Variants in TAFA4 observed in about 807,000 individuals in gnomAD.
TAFA4 encodes TAFA chemokine like family member 4.
In TAFA4, 20 loss-of-function variants were observed where a neutral mutation model predicts 21.1. The ratio of observed to expected loss-of-function variants is 0.95; its 90% CI spans 0.67 to 1.38. The LOEUF (loss-of-function observed/expected upper bound fraction) is 1.38. Among genes scored for constraint, TAFA4 ranks in the 40% most tolerant of loss-of-function variants. The pLI, the probability that TAFA4 is intolerant of heterozygous loss-of-function variation, is 0.00. For synonymous variants in TAFA4, 71 were observed against 67.4 expected, an observed-to-expected ratio of 1.05 and a Z score of -0.26; for missense variants, 211 against 180.9, an observed-to-expected ratio of 1.17 and a Z score of -0.95.
intron 4 of TAFA4, among the ~76,000 whole-genome samples, chr3:68,743,614 C>T (rs1401309148): frequency 6.6e-6 from 1 of 151,280 alleles, no homozygotes; most frequent in Non-Finnish European, 1.5e-5. Flanking sequence ...ATATTCTTTG[C>T]AGCCTCAAAT....
At chr3:68,822,010 T>C (rs1271846450) in intron 3 of TAFA4, among the ~76,000 whole-genome samples, 3 of 152,184 alleles carry the variant, frequency 2.0e-5, no homozygotes, top group South Asian at 2.1e-4. Context: ...TTGAGCCTCA[T>C]GTTAACAAAA....
intron 3 of TAFA4, among the ~76,000 whole-genome samples, chr3:68,765,121 A>G (rs2106773063): frequency 6.6e-6 from 1 of 152,296 alleles, no homozygotes; most frequent in South Asian, 2.1e-4. Context: ...ATAAAAATAA[A>G]CAAAAGGACT....
At chr3:68,771,697 TA>T (rs200980716) in intron 3 of TAFA4, among the ~76,000 whole-genome samples, 2,906 of 152,336 alleles carry the variant, frequency 0.019, 50 homozygotes, top group South Asian at 0.059. Flanking sequence ...GATGTCAACT[TA>T]AAATGTGCAA....
chr3:68,911,123 C>A (rs567495261), intron 1 of TAFA4, among the ~76,000 whole-genome samples: 1 of 152,322 alleles, frequency 6.6e-6, no homozygotes, highest in African/African-American at 2.4e-5. Context: ...TCAAACAGCT[C>A]GCTGCTGAAA....
rs140104324 is a variant in TAFA4, at chr3:68,736,061, T to G, written c.412-2908A>C. On this transcript the variant is annotated intron_variant, in intron 5 of 5. Transcript: ENST00000295569. ...ATAGCTTTTCACCCTTAGTAGAGGA[T>G]TCAAAAATAAGAACATTAAAAAGTC... Among the ~76,000 whole-genome samples, 13 of 152,162 alleles carry G rather than the reference T, an allele frequency of 8.5e-5. No homozygotes were observed. In the East Asian group the frequency reaches 2.5e-3, roughly 29 times the overall value.
At chr3:68,812,833 C>T (rs1226492629) in intron 3 of TAFA4, among the ~76,000 whole-genome samples, 4 of 152,190 alleles carry the variant, frequency 2.6e-5, no homozygotes, top group East Asian at 1.9e-4. Flanking sequence ...ACCTAATAGA[C>T]GTCTACAGAA....
chr3:68,849,820 A>G (rs144594738), intron 3 of TAFA4, among the ~76,000 whole-genome samples: 2 of 152,328 alleles, frequency 1.3e-5, no homozygotes, highest in Admixed American at 6.5e-5. Flanking sequence ...CAAAGGATCC[A>G]TTACTGAAAA....
intron 3 of TAFA4, among the ~76,000 whole-genome samples, chr3:68,851,687 C>T (rs770505956): frequency 6.6e-6 from 1 of 152,058 alleles, no homozygotes; most frequent in Non-Finnish European, 1.5e-5. Flanking sequence ...GCACAACTTG[C>T]CATTACCTGA....
intron 3 of TAFA4, among the ~76,000 whole-genome samples, chr3:68,788,170 C>T (rs950455807): frequency 6.6e-6 from 1 of 152,168 alleles, no homozygotes; most frequent in Non-Finnish European, 1.5e-5. Context: ...ACTTTCTCAC[C>T]TCATTTTCAT....
At chr3:68,799,622 G>C (rs1410425484) in intron 3 of TAFA4, among the ~76,000 whole-genome samples, 1 of 152,192 alleles carries the variant, frequency 6.6e-6, no homozygotes, top group Non-Finnish European at 1.5e-5. Flanking sequence ...CTCCTTATAG[G>C]AAGAGGCAGG....
chr3:68,921,623 A>G (rs67456112), intron 1 of TAFA4, among the ~76,000 whole-genome samples: 23,307 of 152,202 alleles, frequency 0.15, 2,364 homozygotes, highest in Middle Eastern at 0.3. Context: ...TCCTGACTAA[A>G]TCTTCGATTA....
At chr3:68,777,957 G>A (rs767212734) in intron 3 of TAFA4, among the ~76,000 whole-genome samples, 1 of 152,062 alleles carries the variant, frequency 6.6e-6, no homozygotes, top group African/African-American at 2.4e-5. Context: ...TATGATATGT[G>A]CACAATGACA....
At chr3:68,830,695 C>G (rs1704362819) in intron 3 of TAFA4, among the ~76,000 whole-genome samples, 1 of 152,150 alleles carries the variant, frequency 6.6e-6, no homozygotes, top group Admixed American at 6.5e-5. Context: ...CTGTAGAGGT[C>G]TACTAGGTCC....
At chr3:68,785,847 C>T (rs1703250110) in intron 3 of TAFA4, among the ~76,000 whole-genome samples, 1 of 152,226 alleles carries the variant, frequency 6.6e-6, no homozygotes, top group Non-Finnish European at 1.5e-5. Context: ...CTCACTAGGG[C>T]ACTTTTCTTA....
At chr3:68,798,612 A>G (rs1371708062) in intron 3 of TAFA4, among the ~76,000 whole-genome samples, 1 of 152,160 alleles carries the variant, frequency 6.6e-6, no homozygotes, top group Non-Finnish European at 1.5e-5. Context: ...AAAATATAAA[A>G]TCATTTGTTG....
At chr3:68,789,910 C>T (rs1703331599) in intron 3 of TAFA4, among the ~76,000 whole-genome samples, 1 of 152,146 alleles carries the variant, frequency 6.6e-6, no homozygotes, top group Admixed American at 6.5e-5. Flanking sequence ...TAGACTTGCC[C>T]TACAAGAAAT....
intron 3 of TAFA4, among the ~76,000 whole-genome samples, chr3:68,853,751 C>A (rs1705001597): frequency 6.6e-6 from 1 of 152,102 alleles, no homozygotes; most frequent in African/African-American, 2.4e-5. Context: ...TAAGAAGGCC[C>A]CAAGTTGGAG....
chr3:68,875,447 T>C (rs2106943063), intron 3 of TAFA4, among the ~76,000 whole-genome samples: 1 of 152,294 alleles, frequency 6.6e-6, no homozygotes, highest in East Asian at 1.9e-4. Context: ...TTTCCATTGC[T>C]ACCAAAACAT....
intron 5 of TAFA4, among the ~76,000 whole-genome samples, chr3:68,734,207 TTC>T (rs1437913024): frequency 1.3e-5 from 2 of 152,188 alleles, no homozygotes; most frequent in African/African-American, 4.8e-5. Context: ...TTCTGAAATA[TTC>T]TGTTTTTGAT....
Sources: gnomAD v4.1 joint callset for allele counts (sites outside exome capture counted in the v4.1 genomes callset) on GRCh38, gnomAD v4.1.1 for gene constraint, MANE v1.5 for transcripts, NCBI Gene and HGNC (gene_info 2026-07-23, HGNC 2026-07-21) for gene names.